SYBU: variants seen among roughly 807,000 people sequenced by gnomAD.
The protein encoded by SYBU is GOLSYN A protein.
SYBU carries 21 observed loss-of-function variants against 35.9 expected under a neutral mutation model. The observed-to-expected ratio is 0.58, with a 90% CI of 0.41 to 0.84. SYBU has a LOEUF of 0.84. Among genes scored for constraint, SYBU ranks in the 40% least tolerant of loss-of-function variants. SYBU has a pLI of 0.00. For missense variants in SYBU, 768 were observed against 848.2 expected (o/e 0.91, Z 1.17); for synonymous variants, 319 against 324.3 (o/e 0.98, Z 0.18).
At chr8:109,682,487 C>T (rs573489672), upstream of SYBU, among the ~76,000 whole-genome samples, 8 of 152,222 alleles carry the variant, frequency 5.3e-5, no homozygotes, top group South Asian at 1.7e-3. Context: ...TTTCTCCCTG[C>T]CCTAGAGATC....
In SYBU at chr8:109,639,914, T is replaced by C. The variant is rs111255781; in HGVS notation, c.229+2814A>G. ...ATCATTAACATGCCCCCAAAGGCCTTGCTGCTGTCAATTTTAGCCTACACA... is the reference window on the plus strand; with the variant it reads ...ATCATTAACATGCCCCCAAAGGCCTCGCTGCTGTCAATTTTAGCCTACACA... On this transcript the variant is annotated intron_variant, in intron 2 of 6. Transcript: ENST00000276646. 8.5e-3 allele frequency among the ~76,000 whole-genome samples: 1,297 copies of C among 152,328 alleles called. 19 individuals carry two copies. The highest frequency in any genetic ancestry group is 0.03 in the African/African-American group (1,237 of 41,558).
intron 4 of SYBU, 67 bp downstream of exon 4, chr8:109,585,993 G>T: frequency 1.9e-6 from 2 of 1,068,424 alleles, no homozygotes; most frequent in South Asian, 1.4e-5. Flanking sequence ...TGGTTCTACA[G>T]ATGCACAGGT....
Position 109,575,214 on chromosome 8 carries a change from C to T in SYBU, c.1684G>A (p.Ala562Thr), listed in dbSNP as rs746362290. The change falls in exon 7 of 7, where the codon GCC becomes ACC. Residue 562 changes from alanine (A) to threonine (T), a missense_variant. Transcript: ENST00000276646. ...ILLSPVETPY[A>T]NVDAEVHANR... ...GCATGAACTTCTGCATCCACATTGGCGTAGGGGGTCTCCACGGGAGACAAA... is the reference window on the plus strand; with the variant it reads ...GCATGAACTTCTGCATCCACATTGGTGTAGGGGGTCTCCACGGGAGACAAA... 11 of 1,614,184 alleles carry T rather than the reference C, an allele frequency of 6.8e-6. No individual in the cohort carries two copies. Among genetic ancestry groups the T allele is most frequent in the South Asian group, 4.4e-5 (4 of 91,082 alleles).
chr8:109,594,702 G>A lies in SYBU; in HGVS notation c.428-8540C>T, dbSNP rs140441871. The stretch of plus-strand genomic sequence containing the variant: ...GTGTCAGGAAGGTTGCATATGTCTC[G>A]CACGTGGCTCACTCCCTGGATTTTC... On this transcript the variant is annotated intron_variant, in intron 3 of 6. Transcript: ENST00000276646. Among the ~76,000 whole-genome samples the A allele has an allele frequency of 5.3e-5, 8 of 152,056 alleles. No individual in the cohort carries two copies. In the East Asian group the frequency reaches 7.7e-4, roughly 15 times the overall value.
intron 3 of SYBU, among the ~76,000 whole-genome samples, chr8:109,603,788 T>G (rs185252151): frequency 6.6e-5 from 10 of 152,298 alleles, no homozygotes; most frequent in Non-Finnish European, 1.3e-4. Context: ...GTAACATTAT[T>G]TTTAAAGTGC....
At chr8:109,652,723 T>C (rs1816201267) in intron 1 of SYBU, among the ~76,000 whole-genome samples, 2 of 152,168 alleles carry the variant, frequency 1.3e-5, no homozygotes, top group South Asian at 4.1e-4. Flanking sequence ...CTCAGGGCAA[T>C]TTCAGAAAAC....
At chr8:109,646,161 T>C (rs1815672183), upstream of SYBU, 1 of 152,230 alleles carries the variant, frequency 6.6e-6, no homozygotes, top group Admixed American at 6.5e-5. Context: ...TATCTGGTGG[T>C]GGAATTCACC....
chr8:109,632,354 T>C (rs1327095906), intron 2 of SYBU, among the ~76,000 whole-genome samples: 1 of 152,194 alleles, frequency 6.6e-6, no homozygotes, highest in Non-Finnish European at 1.5e-5. Context: ...AGAAGCTAGT[T>C]CTTATTCTCT....
At chr8:109,619,927 T>C (rs1479500413) in intron 2 of SYBU, among the ~76,000 whole-genome samples, 1 of 152,130 alleles carries the variant, frequency 6.6e-6, no homozygotes, top group Non-Finnish European at 1.5e-5. Flanking sequence ...AAGATGAAAA[T>C]GATTTTTAGA....
At chr8:109,664,078 A>G (rs1307629407) in intron 1 of SYBU, among the ~76,000 whole-genome samples, 2 of 152,242 alleles carry the variant, frequency 1.3e-5, no homozygotes, top group East Asian at 1.9e-4. Flanking sequence ...ATCACATACA[A>G]TGTATTTAGG....
At chr8:109,689,847 A>T (rs913261958) in intron 1 of SYBU, among the ~76,000 whole-genome samples, 17 of 151,708 alleles carry the variant, frequency 1.1e-4, no homozygotes, top group Non-Finnish European at 2.2e-4. Flanking sequence ...AAAAAAAAAA[A>T]AAAAAAAACC....
chr8:109,614,730 A>G (rs1330855860), intron 3 of SYBU, among the ~76,000 whole-genome samples: 1 of 152,252 alleles, frequency 6.6e-6, no homozygotes, highest in Non-Finnish European at 1.5e-5. Context: ...GTTGTAGATA[A>G]AAGAGAAACA....
At chr8:109,590,748 C>A in intron 3 of SYBU, among the ~76,000 whole-genome samples, 1 of 144,848 alleles carries the variant, frequency 6.9e-6, no homozygotes. Flanking sequence ...CCTTAATTTA[C>A]CAGAAGCTCA....
At chr8:109,655,627 G>T (rs908872138) in intron 1 of SYBU, among the ~76,000 whole-genome samples, 2 of 152,134 alleles carry the variant, frequency 1.3e-5, no homozygotes, top group African/African-American at 4.8e-5. Context: ...GTATCCCCAT[G>T]ATTCCTTGTT....
intron 3 of SYBU, among the ~76,000 whole-genome samples, chr8:109,601,576 A>C (rs922328025): frequency 6.6e-6 from 1 of 152,134 alleles, no homozygotes; most frequent in African/African-American, 2.4e-5. Flanking sequence ...ACAGAGGAGG[A>C]AGAAATCTTC....
Position 109,644,665 on chromosome 8 carries a change from C to A in SYBU, c.-6G>T, listed in dbSNP as rs768873538. 1 of 1,519,380 alleles carries A rather than the reference C, an allele frequency of 6.6e-7. No individual in the cohort carries two copies. The highest frequency in any genetic ancestry group is 1.4e-5 in the African/African-American group (1 of 70,232). 94.1% of individuals were successfully genotyped at this position (1,519,380 alleles called of 1,614,324 possible). The stretch of plus-strand genomic sequence containing the variant: ...CTCTCGCGGAGGGGCCCCATCGCGC[C>A]GCTGCCCGCCGGCTCCTCGCGCCGC... On this transcript the variant is annotated 5_prime_UTR_variant, in exon 1 of 7. Transcript: ENST00000276646.
At chr8:109,616,098 G>A (rs1459817106) in intron 3 of SYBU, among the ~76,000 whole-genome samples, 6 of 134,316 alleles carry the variant, frequency 4.5e-5, no homozygotes, top group Admixed American at 3.3e-4. Context: ...TGCAACCTCC[G>A]CCTCCAGGGT....
At chr8:109,608,047 G>A in intron 3 of SYBU, 1 of 1,174,450 alleles carries the variant, frequency 8.5e-7, no homozygotes. Flanking sequence ...CTCAGAGTGG[G>A]GTATCCATGG....
chr8:109,580,187 C>T, intron 4 of SYBU, 185 bp from the exon 5 acceptor site: 2 of 589,146 alleles, frequency 3.4e-6, no homozygotes, highest in South Asian at 2.0e-5. Flanking sequence ...CTCCTTGTGA[C>T]ATCAGCACAA....
Sources: gnomAD v4.1 joint callset for allele counts (sites outside exome capture counted in the v4.1 genomes callset) on GRCh38, gnomAD v4.1.1 for gene constraint, MANE v1.5 for transcripts, NCBI Gene and HGNC (gene_info 2026-07-23, HGNC 2026-07-21) for gene names.